Variants in VWA3B observed in about 807,000 individuals in gnomAD.
VWA3B encodes the protein von Willebrand factor A domain-containing protein 3B.
In VWA3B, 138 loss-of-function variants were observed where a neutral mutation model predicts 158.3. That is an observed-to-expected ratio of 0.87 (90% CI 0.76 to 1.00). VWA3B has a LOEUF of 1.00. Ranked by LOEUF, VWA3B falls within the 50% of genes least tolerant of loss-of-function variation. The pLI is 0.00. For synonymous variants in VWA3B, 596 were observed against 587.3 expected, an observed-to-expected ratio of 1.01 and a Z score of -0.21; for missense variants, 1,555 against 1,565.1, an observed-to-expected ratio of 0.99 and a Z score of 0.11.
intron 22 of VWA3B, among the ~76,000 whole-genome samples, chr2:98,286,554 A>G (rs1294431631): frequency 6.6e-6 from 1 of 152,162 alleles, no homozygotes; most frequent in Non-Finnish European, 1.5e-5. Context: ...TTAATATGGT[A>G]TATTACATTA....
At chr2:98,236,819 C>T in intron 19 of VWA3B, 89 bp downstream of exon 19, 2 of 1,497,638 alleles carry the variant, frequency 1.3e-6, no homozygotes, top group Non-Finnish European at 1.8e-6. Context: ...GTGGTTGTAA[C>T]AGAAATGTAT....
chr2:98,208,758 T>C (rs1184864071), intron 12 of VWA3B, among the ~76,000 whole-genome samples: 1 of 152,244 alleles, frequency 6.6e-6, no homozygotes, highest in East Asian at 1.9e-4. Flanking sequence ...AACTTTTGCT[T>C]CAATCATAAA....
intron 8 of VWA3B, among the ~76,000 whole-genome samples, chr2:98,163,214 C>T (rs1380268764): frequency 6.6e-6 from 1 of 152,060 alleles, no homozygotes; most frequent in African/African-American, 2.4e-5. Context: ...TGGAGATTGT[C>T]AGTACCCAGA....
In VWA3B at chr2:98,313,268, C is replaced by G. The variant is rs1691010787; in HGVS notation, c.*919C>G. ...ATGGTGAAGAAATTAAAGAACTAAT[C>G]CACTTCTAAAAATATGAAAAAAAAA... On this transcript the variant is annotated 3_prime_UTR_variant, in exon 28 of 28. Coordinates refer to ENST00000477737, the MANE Select transcript of VWA3B (RefSeq NM_144992.5). 1 of 151,488 alleles carries G rather than the reference C, an allele frequency of 6.6e-6. No homozygotes were observed. The highest frequency in any genetic ancestry group is 6.6e-5 in the Admixed American group (1 of 15,224). 9.4% of individuals were successfully genotyped at this position (151,488 alleles called of 1,614,324 possible). A position where few individuals can be genotyped will look rare whatever the true frequency, so the allele number is the denominator to read the frequency against.
intron 23 of VWA3B, among the ~76,000 whole-genome samples, chr2:98,295,025 C>G (rs898774878): frequency 6.6e-6 from 1 of 152,130 alleles, no homozygotes; most frequent in Non-Finnish European, 1.5e-5. Context: ...ATAAACACCT[C>G]GCCTCCTCTC....
At chr2:98,144,562 CTTTCT>C (rs961005868) in intron 7 of VWA3B, among the ~76,000 whole-genome samples, 3 of 128,936 alleles carry the variant, frequency 2.3e-5, no homozygotes, top group Admixed American at 7.4e-5. Context: ...GGTTTTCTTT[CTTTCT>C]TTTTTTTTTT....
At chr2:98,161,165 G>A (rs1314879873) in intron 7 of VWA3B, among the ~76,000 whole-genome samples, 8 of 152,188 alleles carry the variant, frequency 5.3e-5, no homozygotes, top group Non-Finnish European at 2.9e-5. Context: ...TGGGAGGAAG[G>A]GGCTTTTCGG....
At chr2:98,282,992 T>G (rs927871784) in intron 22 of VWA3B, among the ~76,000 whole-genome samples, 1 of 152,110 alleles carries the variant, frequency 6.6e-6, no homozygotes, top group African/African-American at 2.4e-5. Flanking sequence ...GTGATAACTA[T>G]AGAAAAAAAG....
At chr2:98,254,971 G>A (rs1000301137) in intron 20 of VWA3B, among the ~76,000 whole-genome samples, 5 of 152,090 alleles carry the variant, frequency 3.3e-5, no homozygotes, top group African/African-American at 4.8e-5. Flanking sequence ...AAGAGCAGTA[G>A]CATTCTCCTA....
chr2:98,220,333 C>CT (rs987028524), intron 14 of VWA3B, among the ~76,000 whole-genome samples: 23 of 152,054 alleles, frequency 1.5e-4, no homozygotes, highest in African/African-American at 5.6e-4. Context: ...AAAGATGATG[C>CT]TAACTGCATA....
rs149913609 is a variant in VWA3B at position 98,232,642 on chromosome 2, A to C, written c.2309-2006A>C. Among the ~76,000 whole-genome samples, 453 of 152,244 alleles carry C rather than the reference A, an allele frequency of 3.0e-3. 3 individuals carry two copies. Among genetic ancestry groups the C allele is most frequent in the African/African-American group, 0.01 (420 of 41,544 alleles). ...TATTATGTTAGGAACTCTGCATCTC[A>C]TTTAAGTATTTTATTTTATGAAGTA... On this transcript the variant is annotated intron_variant, in intron 16 of 27. Coordinates refer to ENST00000477737, the MANE Select transcript of VWA3B (RefSeq NM_144992.5).
intron 8 of VWA3B, among the ~76,000 whole-genome samples, chr2:98,166,523 C>T (rs1025922163): frequency 1.3e-5 from 2 of 152,060 alleles, no homozygotes. Context: ...GTCTCCTAGC[C>T]GGGAAGAACA....
chr2:98,198,102 G>A (rs1483080656), intron 12 of VWA3B, among the ~76,000 whole-genome samples: 2 of 151,718 alleles, frequency 1.3e-5, no homozygotes, highest in African/African-American at 4.8e-5. Flanking sequence ...CTGTATATCA[G>A]TCTGTATTTA....
At chr2:98,262,953 T>G (rs1032168330) in intron 21 of VWA3B, among the ~76,000 whole-genome samples, 3 of 151,938 alleles carry the variant, frequency 2.0e-5, no homozygotes, top group Non-Finnish European at 4.4e-5. Context: ...CTTCTTTAAT[T>G]TCTTTCAGCA....
At chr2:98,174,065 C>G (rs1679815870) in intron 8 of VWA3B, among the ~76,000 whole-genome samples, 1 of 152,066 alleles carries the variant, frequency 6.6e-6, no homozygotes, top group Admixed American at 6.6e-5. Flanking sequence ...CCAAAAATAC[C>G]TGGGCAAAAA....
At chr2:98,228,754 C>A (rs978035332) in intron 15 of VWA3B, among the ~76,000 whole-genome samples, 1 of 152,116 alleles carries the variant, frequency 6.6e-6, no homozygotes, top group Non-Finnish European at 1.5e-5. Context: ...AAAATGGTGG[C>A]CGTGGTGGTG....
At chr2:98,144,549 T>C (rs1677022922) in intron 7 of VWA3B, among the ~76,000 whole-genome samples, 1 of 148,290 alleles carries the variant, frequency 6.7e-6, no homozygotes, top group Non-Finnish European at 1.5e-5. Flanking sequence ...ATGGTGCCCA[T>C]AGGGTTTTCT....
chr2:98,129,551 G>T (rs1444883619), intron 6 of VWA3B, among the ~76,000 whole-genome samples: 1 of 152,130 alleles, frequency 6.6e-6, no homozygotes, highest in African/African-American at 2.4e-5. Context: ...CTTGGGATTG[G>T]GGGAGCACAA....
intron 7 of VWA3B, among the ~76,000 whole-genome samples, chr2:98,148,017 T>C (rs1389128659): frequency 6.6e-6 from 1 of 152,226 alleles, no homozygotes; most frequent in African/African-American, 2.4e-5. Context: ...GCTTCATCCA[T>C]GTCCCTACAA....
Sources: gnomAD v4.1 joint callset for allele counts (sites outside exome capture counted in the v4.1 genomes callset) on GRCh38, gnomAD v4.1.1 for gene constraint, MANE v1.5 for transcripts, NCBI Gene and HGNC (gene_info 2026-07-23, HGNC 2026-07-21) for gene names.